Variants in SUSD6 observed in about 807,000 individuals in gnomAD.
SUSD6 encodes the protein sushi domain-containing protein 6.
SUSD6 carries 16 observed loss-of-function variants against 28.4 expected under a neutral mutation model. The ratio of observed to expected loss-of-function variants is 0.56; its 90% confidence interval spans 0.38 to 0.86. The LOEUF (loss-of-function observed/expected upper bound fraction) is 0.86, where lower values mean the gene tolerates loss of function less well. SUSD6 is among the 40% of genes least tolerant of loss of function. The pLI is 0.00. For missense variants in SUSD6, 341 were observed against 384.2 expected (o/e 0.89, Z 0.94); for synonymous variants, 147 against 159.6 (o/e 0.92, Z 0.59).
chr14:69,648,889 C>T (rs1885464796), intron 1 of SUSD6, among the ~76,000 whole-genome samples: 1 of 152,054 alleles, frequency 6.6e-6, no homozygotes, highest in Non-Finnish European at 1.5e-5. Flanking sequence ...TTTTTTTTCC[C>T]TCCTCTCTCT....
intron 4 of SUSD6, among the ~76,000 whole-genome samples, chr14:69,708,200 T>C (rs1109652): frequency 0.48 from 72,339 of 152,152 alleles, 20,140 homozygotes; most frequent in East Asian, 0.7. Flanking sequence ...TACCATACAG[T>C]GTACCTATTT....
intron 1 of SUSD6, among the ~76,000 whole-genome samples, chr14:69,613,480 C>T (rs534394119): frequency 2.5e-4 from 38 of 152,342 alleles, no homozygotes; most frequent in Non-Finnish European, 3.8e-4. Flanking sequence ...TACACACTTA[C>T]GGTATGTTTG....
chr14:69,619,385 C>G (rs1885002943), intron 1 of SUSD6, among the ~76,000 whole-genome samples: 1 of 152,168 alleles, frequency 6.6e-6, no homozygotes, highest in South Asian at 2.1e-4. Context: ...AACTTGCTTT[C>G]ACTTTAAAAA....
At chr14:69,664,079 C>T (rs1259868712) in intron 2 of SUSD6, among the ~76,000 whole-genome samples, 5 of 151,778 alleles carry the variant, frequency 3.3e-5, no homozygotes, top group African/African-American at 7.3e-5. Context: ...TCCAGGTTCA[C>T]GCCATTCTTC....
intron 5 of SUSD6, 96 bp from the exon 6 acceptor site, chr14:69,710,858 G>T: frequency 8.8e-7 from 1 of 1,132,348 alleles, no homozygotes; most frequent in South Asian, 1.2e-5. Flanking sequence ...TAAATTAGGG[G>T]CTATGTAGGA....
chr14:69,703,789 A>G (rs1211668957), intron 3 of SUSD6, 197 bp downstream of exon 3: 2 of 608,410 alleles, frequency 3.3e-6, no homozygotes, highest in Non-Finnish European at 5.8e-6. Flanking sequence ...GTCCTATTGC[A>G]TTTCATTGAG....
intron 1 of SUSD6, among the ~76,000 whole-genome samples, chr14:69,633,145 T>A (rs1039319792): frequency 1.9e-4 from 29 of 152,244 alleles, no homozygotes; most frequent in Admixed American, 1.3e-4. Flanking sequence ...TTGAACTGGA[T>A]TAGGTCAGGT....
chr14:69,697,518 T>G (rs1373430922), intron 2 of SUSD6, among the ~76,000 whole-genome samples: 1 of 152,230 alleles, frequency 6.6e-6, no homozygotes, highest in Non-Finnish European at 1.5e-5. Context: ...GACTCCATGT[T>G]GAGATGTAAT....
At chr14:69,686,537 G>A (rs1320706103) in intron 2 of SUSD6, among the ~76,000 whole-genome samples, 2 of 152,142 alleles carry the variant, frequency 1.3e-5, no homozygotes, top group East Asian at 1.9e-4. Flanking sequence ...AGACATACCC[G>A]AGACTGAGCA....
At chr14:69,678,050 T>G (rs1025000153) in intron 2 of SUSD6, among the ~76,000 whole-genome samples, 3 of 152,186 alleles carry the variant, frequency 2.0e-5, no homozygotes, top group African/African-American at 7.2e-5. Context: ...ATTTCTGTTT[T>G]TGGATACTTA....
At chr14:69,651,122 A>C (rs1289773483) in intron 1 of SUSD6, among the ~76,000 whole-genome samples, 7 of 152,214 alleles carry the variant, frequency 4.6e-5, no homozygotes, top group Non-Finnish European at 1.0e-4. Context: ...CCCCTGAGAC[A>C]GAAAGACTCA....
chr14:69,626,146 A>C (rs929359159), intron 1 of SUSD6, among the ~76,000 whole-genome samples: 1 of 152,288 alleles, frequency 6.6e-6, no homozygotes, highest in African/African-American at 2.4e-5. Context: ...ATTTCTGCCT[A>C]GTACGGTTTC....
chr14:69,702,260 GC>G (rs2139644742), intron 2 of SUSD6, among the ~76,000 whole-genome samples: 1 of 152,270 alleles, frequency 6.6e-6, no homozygotes, highest in East Asian at 1.9e-4. Context: ...ATTCATGGTT[GC>G]CTGGCCATTC....
At chr14:69,626,634 C>T (rs371043377) in intron 1 of SUSD6, among the ~76,000 whole-genome samples, 1 of 152,012 alleles carries the variant, frequency 6.6e-6, no homozygotes, top group Non-Finnish European at 1.5e-5. Flanking sequence ...TATGAGGGTG[C>T]CTACCTATGA....
intron 2 of SUSD6, among the ~76,000 whole-genome samples, chr14:69,676,087 A>T (rs1017909189): frequency 6.6e-6 from 1 of 152,222 alleles, no homozygotes; most frequent in African/African-American, 2.4e-5. Flanking sequence ...AAAAGATAAG[A>T]CAATTCATCT....
chr14:69,659,585 G>A (rs369653438), intron 2 of SUSD6, among the ~76,000 whole-genome samples: 5 of 152,168 alleles, frequency 3.3e-5, no homozygotes, highest in East Asian at 1.9e-4. Context: ...TGGCACGATC[G>A]TGGCTCACTG....
At chr14:69,671,905 A>C (rs1885838488) in intron 2 of SUSD6, among the ~76,000 whole-genome samples, 1 of 152,194 alleles carries the variant, frequency 6.6e-6, no homozygotes, top group Non-Finnish European at 1.5e-5. Context: ...CATTCAGAAA[A>C]TCTGTCACCA....
At chr14:69,700,688 C>G (rs1293211703) in intron 2 of SUSD6, among the ~76,000 whole-genome samples, 1 of 152,196 alleles carries the variant, frequency 6.6e-6, no homozygotes, top group African/African-American at 2.4e-5. Context: ...TCCTAGGCTC[C>G]CCTATTCCTG....
chr14:69,681,861 T>C (rs943465899), intron 2 of SUSD6, among the ~76,000 whole-genome samples: 2 of 152,048 alleles, frequency 1.3e-5, no homozygotes, highest in African/African-American at 4.8e-5. Context: ...GCTAAAGAAG[T>C]GGGGTCTGAG....
Sources: allele counts gnomAD v4.1 joint callset (sites outside exome capture counted in the v4.1 genomes callset), GRCh38; gene constraint gnomAD v4.1.1; transcripts MANE v1.5; gene names NCBI Gene and HGNC (gene_info 2026-07-23, HGNC 2026-07-21).